Variants in REPS2 observed in about 807,000 individuals in gnomAD.
REPS2 encodes the protein RALBP1 associated Eps domain containing 2.
In REPS2, 23 loss-of-function variants were observed where a neutral mutation model predicts 53.6. The observed-to-expected ratio is 0.43, with a 90% CI of 0.31 to 0.61. The LOEUF is 0.61. Among genes scored for constraint, REPS2 ranks in the 20% least tolerant of loss-of-function variants. The pLI is 0.11. For missense variants in REPS2, 446 were observed against 534.9 expected (o/e 0.83, Z 1.64); for synonymous variants, 238 against 218.6 (o/e 1.09, Z -0.78).
chrX:17,004,457 A>G (rs1322995068), intron 1 of REPS2, among the ~76,000 whole-genome samples: 1 of 107,100 alleles, frequency 9.3e-6, no homozygotes, highest in African/African-American at 3.4e-5. Context: ...TGTAAGTTCC[A>G]AAGGCTTATA....
chrX:17,113,091 CAAAAAAAAAA>C (rs10567369), intron 14 of REPS2, among the ~76,000 whole-genome samples: 1 of 13,560 alleles, frequency 7.4e-5, no homozygotes, highest in Non-Finnish European at 1.1e-4. Flanking sequence ...GACTCTGTCT[CAAAAAAAAAA>C]AAAAAAAAAA....
the REPS2 span, among the ~76,000 whole-genome samples, chrX:17,170,031 A>G: frequency 3.5e-5 from 4 of 112,814 alleles, no homozygotes; most frequent in Non-Finnish European, 7.5e-5. Context: ...TTGGAGGAGA[A>G]CCATTCAACA....
At position 17,047,232 on chromosome X, in the gene REPS2, C is replaced by G. The variant is rs878904546; in HGVS notation, c.772-115C>G. On this transcript the variant is annotated intron_variant, in intron 5 of 17. Transcript: ENST00000357277. ...TAGTTATGAGGCAGTTAAATTTCTT[C>G]ACCTGAGGAAAAAAATTAAGCATAA... The G allele has an allele frequency of 1.3e-5, 10 of 780,824 alleles. No individual in the cohort carries two copies. The South Asian group carries it at 2.5e-4, about 20-fold the overall frequency. 64.3% of individuals were successfully genotyped at this position (780,824 alleles called of 1,213,427 possible).
chrX:16,967,651 G>A (rs752617634), intron 1 of REPS2, among the ~76,000 whole-genome samples: 1 of 110,577 alleles, frequency 9.0e-6, no homozygotes, highest in African/African-American at 3.3e-5. Flanking sequence ...GTGACAGAGC[G>A]AGACCCTGTC....
At chrX:17,111,186 TG>T (rs986610297) in intron 14 of REPS2, among the ~76,000 whole-genome samples, 4 of 112,397 alleles carry the variant, frequency 3.6e-5, no homozygotes, top group South Asian at 7.4e-4. Context: ...TAAAATTGCA[TG>T]TTTTTTTTAT....
chrX:17,009,717 C>G (rs2061406278), intron 2 of REPS2, among the ~76,000 whole-genome samples: 1 of 111,562 alleles, frequency 9.0e-6, no homozygotes, highest in Non-Finnish European at 1.9e-5. Context: ...TACCCAGCCT[C>G]TTTTCCTACT....
intron 1 of REPS2, among the ~76,000 whole-genome samples, chrX:16,977,734 A>C (rs895200616): frequency 2.2e-5 from 2 of 92,661 alleles, no homozygotes; most frequent in Admixed American, 1.2e-4. Flanking sequence ...AAAAAAAAAA[A>C]CAAACAAAAG....
rs377082954 is a variant in REPS2 at position 17,068,136 on chromosome X, A to G, written c.1210-266A>G. ...AGACCATCCTGGCTAACACAGTGAA[A>G]GCCCTTCTCTACTAAAAAATACAAA... On this transcript the variant is annotated intron_variant, in intron 9 of 17. Transcript: ENST00000357277. 8.2e-5 allele frequency among the ~76,000 whole-genome samples: 9 copies of G among 110,391 alleles called. No individual in the cohort carries two copies. In the East Asian group the frequency reaches 1.7e-3, roughly 21 times the overall value.
chrX:16,991,650 G>T (rs1274073915), intron 1 of REPS2, among the ~76,000 whole-genome samples: 1 of 110,315 alleles, frequency 9.1e-6, no homozygotes, highest in Admixed American at 9.8e-5. Context: ...GAGTAGGGTG[G>T]GCTCCTAATC....
chrX:17,141,071 C>T (rs975753949), intron 17 of REPS2, among the ~76,000 whole-genome samples: 11 of 111,802 alleles, frequency 9.8e-5, no homozygotes, highest in Non-Finnish European at 2.1e-4. Context: ...CGCCAGCGCA[C>T]GCACAAACCT....
chrX:17,189,702 G>GTGTGTC, the REPS2 span, among the ~76,000 whole-genome samples: 10 of 111,013 alleles, frequency 9.0e-5, no homozygotes, highest in East Asian at 2.3e-3. Context: ...GTGTGTCTGT[G>GTGTGTC]TGTGTCTGTG....
chrX:17,047,596 T>G, intron 6 of REPS2, 114 bp downstream of exon 6: 1 of 956,966 alleles, frequency 1.0e-6, no homozygotes, highest in Middle Eastern at 2.7e-4. Context: ...TTGTTTTTCA[T>G]CTAAAGTCGA....
intron 1 of REPS2, among the ~76,000 whole-genome samples, chrX:16,952,435 A>C (rs772740727): frequency 8.9e-6 from 1 of 112,224 alleles, no homozygotes; most frequent in Admixed American, 9.5e-5. Context: ...AAGGGGAATA[A>C]TTATAAAACA....
intron 13 of REPS2, among the ~76,000 whole-genome samples, chrX:17,102,029 TTA>T (rs1388793396): frequency 3.3e-5 from 2 of 60,244 alleles, no homozygotes; most frequent in East Asian, 4.5e-4. Context: ...TTATTTTATT[TTA>T]TGTTATGTTA....
chrX:16,965,558 C>T (rs1436813136), intron 1 of REPS2, among the ~76,000 whole-genome samples: 7 of 109,982 alleles, frequency 6.4e-5, no homozygotes, highest in South Asian at 4.0e-4. Context: ...ACGGGGCGTC[C>T]GGGCAGAGAC....
At chrX:16,954,805 CTTTTTTTTT>C (rs58924467) in intron 1 of REPS2, among the ~76,000 whole-genome samples, 2 of 59,335 alleles carry the variant, frequency 3.4e-5, no homozygotes, top group African/African-American at 6.3e-5. Flanking sequence ...TTATTTATAA[CTTTTTTTTT>C]TTTTTTTTTT....
In REPS2 at chrX:16,951,559, A is replaced by ACACACACCC. The variant is rs879259718; in HGVS notation, c.273+4426_273+4427insACACACCCC. Among the ~76,000 whole-genome samples, 252 of 37,503 alleles carry ACACACACCC rather than the reference A, an allele frequency of 6.7e-3. 9 individuals are homozygous for ACACACACCC. The highest frequency in any genetic ancestry group is 0.011 in the Admixed American group (37 of 3,390). 32.6% of individuals were successfully genotyped at this position (37,503 alleles called of 115,157 possible). On this transcript the variant is annotated intron_variant, in intron 1 of 17. Transcript: ENST00000357277. ...CACACACACACACACACACACACAC[A>ACACACACCC]CCCCCGCTACCTACCTCTCTCTGGG...
chrX:17,184,173 C>T, the REPS2 span, among the ~76,000 whole-genome samples: 1 of 96,038 alleles, frequency 1.0e-5, no homozygotes, highest in Non-Finnish European at 2.1e-5. Flanking sequence ...TGCTATCACT[C>T]CCCCCTCCCC....
intron 13 of REPS2, among the ~76,000 whole-genome samples, chrX:17,103,355 T>C (rs745861456): frequency 3.6e-5 from 4 of 111,735 alleles, no homozygotes; most frequent in South Asian, 7.5e-4. Flanking sequence ...GGGAGAAATA[T>C]GAGAGAAATC....
Sources: allele counts gnomAD v4.1 joint callset (sites outside exome capture counted in the v4.1 genomes callset), GRCh38; gene constraint gnomAD v4.1.1; transcripts MANE v1.5; gene names NCBI Gene and HGNC (gene_info 2026-07-23, HGNC 2026-07-21).